The following TYR variants were observed in gnomAD, a reference collection of about 807,000 sequenced individuals.
TYR encodes LB24-AB.
TYR carries 58 observed loss-of-function variants against 51.5 expected under a neutral mutation model. The observed-to-expected ratio is 1.13, with a 90% CI of 0.91 to 1.40. TYR has a LOEUF of 1.40. Among genes scored for constraint, TYR ranks in the 40% most tolerant of loss-of-function variants. TYR has a pLI of 0.00. For synonymous variants in TYR, 263 were observed against 235.2 expected (o/e 1.12, Z -1.08); for missense variants, 732 against 647.4 (o/e 1.13, Z -1.42).
At chr11:89,202,622 T>C (rs867217934) in intron 2 of TYR, among the ~76,000 whole-genome samples, 2 of 141,370 alleles carry the variant, frequency 1.4e-5, no homozygotes, top group South Asian at 2.4e-4. Flanking sequence ...ATTTTCATAA[T>C]ACACACACAC....
In TYR at chr11:89,295,188, C is replaced by G. The variant is rs561008244; in HGVS notation, c.1412C>G (p.Ala471Gly). 6.2e-7 allele frequency: 1 copy of G among 1,613,956 alleles called. No homozygotes were observed. ...TACATTAAGTCCTATTTGGAACAAG[C>G]GAGTCGGATCTGGTCATGGCTCCTT... Reference protein sequence around the residue: ...QDYIKSYLEQASRIWSWLLGA... With the variant: ...QDYIKSYLEQGSRIWSWLLGA... Residue 471 changes from alanine to glycine, a missense_variant, in exon 5 of 5, where the codon GCG becomes GGG. Physicochemically the swap from Ala to Gly is moderately conservative, Grantham distance 60 (BLOSUM62 0). Coordinates refer to ENST00000263321, the MANE Select transcript of TYR (RefSeq NM_000372.5).
chr11:89,196,531 C>A (rs558492028), intron 2 of TYR, among the ~76,000 whole-genome samples: 67 of 152,182 alleles, frequency 4.4e-4, no homozygotes, highest in African/African-American at 1.5e-3. Flanking sequence ...GGCTGACAGA[C>A]TGATAAATCA....
intron 3 of TYR, among the ~76,000 whole-genome samples, chr11:89,267,549 A>G (rs769475933): frequency 3.3e-5 from 5 of 151,892 alleles, no homozygotes; most frequent in Non-Finnish European, 5.9e-5. Context: ...TTTTCTGAAT[A>G]TATGTTTTGA....
At chr11:89,288,791 C>G (rs1421902415) in intron 4 of TYR, among the ~76,000 whole-genome samples, 1 of 151,880 alleles carries the variant, frequency 6.6e-6, no homozygotes, top group African/African-American at 2.4e-5. Context: ...TGCCTATTTT[C>G]TATTTTATGA....
At chr11:89,262,847 C>CAAAAAAAAA (rs771958187) in intron 3 of TYR, among the ~76,000 whole-genome samples, 36 of 19,254 alleles carry the variant, frequency 1.9e-3, no homozygotes, top group Middle Eastern at 0.045. Context: ...GCTACTCATC[C>CAAAAAAAAA]AAAAAAAAAA....
At chr11:89,264,731 C>T (rs1208434287) in intron 3 of TYR, among the ~76,000 whole-genome samples, 1 of 136,464 alleles carries the variant, frequency 7.3e-6, no homozygotes, top group African/African-American at 3.3e-5. Flanking sequence ...GAATACTATG[C>T]AGCCAAAAAA....
intron 3 of TYR, among the ~76,000 whole-genome samples, chr11:89,277,669 G>A (rs1233043060): frequency 1.3e-5 from 2 of 151,758 alleles, no homozygotes; most frequent in South Asian, 2.1e-4. Flanking sequence ...TTCTTCAGGG[G>A]TTTCTGCATC....
intron 3 of TYR, among the ~76,000 whole-genome samples, chr11:89,252,791 C>T (rs1224495921): frequency 6.6e-6 from 1 of 151,634 alleles, no homozygotes; most frequent in African/African-American, 2.4e-5. Context: ...AATGAGGCTC[C>T]TTGAGGATCA....
chr11:89,188,255 T>A (rs1591140673), intron 1 of TYR, among the ~76,000 whole-genome samples: 1 of 152,016 alleles, frequency 6.6e-6, no homozygotes, highest in East Asian at 2.0e-4. Context: ...ATGACCATAC[T>A]TATTAGACTG....
chr11:89,222,903 T>C (rs1943930569), intron 2 of TYR, among the ~76,000 whole-genome samples: 1 of 152,182 alleles, frequency 6.6e-6, no homozygotes. Context: ...AACATGTCTC[T>C]ACTGGCTCAG....
intron 3 of TYR, among the ~76,000 whole-genome samples, chr11:89,281,661 A>T (rs1373444318): frequency 1.3e-5 from 2 of 151,558 alleles, no homozygotes; most frequent in Non-Finnish European, 3.0e-5. Context: ...CGCAACTTCA[A>T]TTCTCTCATG....
chr11:89,217,581 A>C (rs1943848873), intron 2 of TYR, among the ~76,000 whole-genome samples: 1 of 152,210 alleles, frequency 6.6e-6, no homozygotes, highest in Non-Finnish European at 1.5e-5. Context: ...TGTGAGGTTC[A>C]TTGTGCATCC....
At chr11:89,224,964 T>C (rs913364535) in intron 2 of TYR, among the ~76,000 whole-genome samples, 2 of 152,058 alleles carry the variant, frequency 1.3e-5, no homozygotes, top group Admixed American at 1.3e-4. Context: ...ATTATTAGCA[T>C]ATTTAGCTCA....
chr11:89,187,775 A>G (rs1201714109), intron 1 of TYR, among the ~76,000 whole-genome samples: 1 of 152,084 alleles, frequency 6.6e-6, no homozygotes, highest in African/African-American at 2.4e-5. Flanking sequence ...ATTTCAAACC[A>G]AAGTTTTCAA....
At chr11:89,232,691 C>A (rs1403493324) in intron 3 of TYR, among the ~76,000 whole-genome samples, 1 of 141,516 alleles carries the variant, frequency 7.1e-6, no homozygotes, top group Non-Finnish European at 1.5e-5. Context: ...ACACATGTCC[C>A]CCGATTCTAA....
At chr11:89,191,947 A>T (rs1353564245) in intron 2 of TYR, 18 of 398,112 alleles carry the variant, frequency 4.5e-5, no homozygotes, top group Non-Finnish European at 8.3e-5. Context: ...TTCAGATATA[A>T]GTCTGTGGAC....
At chr11:89,238,652 C>G (rs35937494) in intron 3 of TYR, among the ~76,000 whole-genome samples, 5,327 of 152,104 alleles carry the variant, frequency 0.035, 140 homozygotes, top group Middle Eastern at 0.065. Flanking sequence ...AGTGGGTATC[C>G]TTGTCTTCTT....
rs550793401 is a variant in TYR, at chr11:89,285,821, G to A, written c.1366+867G>A. On this transcript the variant is annotated intron_variant, in intron 4 of 4. Coordinates refer to ENST00000263321, the MANE Select transcript of TYR (RefSeq NM_000372.5). Reference sequence around the variant, plus strand: ...TCTAGGAGGTCCTCCTCATCTCACCGCACTGTAATTCACCTAACGCATGAG... The same window carrying A: ...TCTAGGAGGTCCTCCTCATCTCACCACACTGTAATTCACCTAACGCATGAG... 5.9e-5 allele frequency among the ~76,000 whole-genome samples: 9 copies of A among 151,894 alleles called. No individual in the cohort carries two copies. The South Asian group carries it at 1.0e-3, about 17-fold the overall frequency.
rs531332162 is a variant in TYR, at chr11:89,234,309, GA to G, written c.1184+6342del. 2.8e-4 allele frequency among the ~76,000 whole-genome samples: 40 copies of G among 143,880 alleles called. 3 individuals are homozygous for G. The East Asian group carries it at 6.9e-3, about 25-fold the overall frequency. 94.4% of individuals were successfully genotyped at this position (143,880 alleles called of 152,430 possible). ...GCTCTCAATTAGGCTTTAGTTTAAGGAAATGTTGTTGCTGGTTTGATTTTCT... is the reference window on the plus strand; with the variant it reads ...GCTCTCAATTAGGCTTTAGTTTAAGGAATGTTGTTGCTGGTTTGATTTTCT... On this transcript the variant is annotated intron_variant, in intron 3 of 4. Coordinates refer to ENST00000263321, the MANE Select transcript of TYR (RefSeq NM_000372.5).
Sources: allele counts gnomAD v4.1 joint callset (sites outside exome capture counted in the v4.1 genomes callset), GRCh38; gene constraint gnomAD v4.1.1; transcripts MANE v1.5; gene names NCBI Gene and HGNC (gene_info 2026-07-23, HGNC 2026-07-21).